Variants in HMCN1 observed in about 807,000 individuals in gnomAD.
The protein encoded by HMCN1 is hemicentin 1, also known as hemicentin-1.
Under a neutral mutation model 625.9 loss-of-function variants are expected in HMCN1, and 321 were observed. That is an observed-to-expected ratio of 0.51 (90% CI 0.47 to 0.56). The LOEUF (loss-of-function observed/expected upper bound fraction) is 0.56, where lower values mean the gene tolerates loss of function less well. Among genes scored for constraint, HMCN1 ranks in the 20% least tolerant of loss-of-function variants. HMCN1 has a pLI of 0.00. For missense variants in HMCN1, 6,588 were observed against 6,887.3 expected, an observed-to-expected ratio of 0.96 and a Z score of 1.54; for synonymous variants, 2,425 against 2,417.6, an observed-to-expected ratio of 1.00 and a Z score of -0.09.
intron 36 of HMCN1, among the ~76,000 whole-genome samples, chr1:186,030,476 A>AT (rs1050364810): frequency 1.3e-5 from 2 of 151,752 alleles, no homozygotes; most frequent in Non-Finnish European, 2.9e-5. Flanking sequence ...CTTGAAGTCT[A>AT]TTTTTTGTGA....
In HMCN1 at chr1:186,088,309, T is replaced by C. The variant is rs770941292; in HGVS notation, c.9577+33T>C. On this transcript the variant is annotated intron_variant, in intron 62 of 106. Transcript: ENST00000271588. ...AACCATGCATTTTTGTGTGTGTGTGTGTTTTTTTCTCTTGCTCTTAATTCA... is the reference window on the plus strand; with the variant it reads ...AACCATGCATTTTTGTGTGTGTGTGCGTTTTTTTCTCTTGCTCTTAATTCA... 5 of 1,611,900 alleles carry C rather than the reference T, an allele frequency of 3.1e-6. No homozygotes were observed. The South Asian group carries it at 3.3e-5, about 11-fold the overall frequency.
chr1:186,113,964 G>A lies in HMCN1; in HGVS notation c.11132-15G>A, dbSNP rs750312719. 1.9e-6 allele frequency: 3 copies of A among 1,613,758 alleles called. No homozygotes were observed. The highest frequency in any genetic ancestry group is 2.5e-6 in the Non-Finnish European group (3 of 1,179,854). On this transcript the variant is annotated splice_polypyrimidine_tract_variant and intron_variant, in intron 72 of 106. Coordinates refer to ENST00000271588, the MANE Select transcript of HMCN1 (RefSeq NM_031935.3). ...TTAGTCTCACTGAATTTTTTCATGT[G>A]TATCTCTTGTTCAGTTCCTCCAAAC...
intron 1 of HMCN1, among the ~76,000 whole-genome samples, chr1:185,771,769 A>G (rs1656257253): frequency 6.6e-6 from 1 of 152,172 alleles, no homozygotes; most frequent in Admixed American, 6.6e-5. Context: ...TGTTCCAAGC[A>G]TGGTGGCAGA....
At chr1:185,839,780 G>A (rs1022682926) in intron 1 of HMCN1, among the ~76,000 whole-genome samples, 2 of 152,158 alleles carry the variant, frequency 1.3e-5, no homozygotes, top group African/African-American at 2.4e-5. Flanking sequence ...AGTACATGAA[G>A]TGAAATGATC....
intron 103 of HMCN1, among the ~76,000 whole-genome samples, chr1:186,175,265 G>T (rs1652488386): frequency 6.6e-6 from 1 of 152,148 alleles, no homozygotes; most frequent in Non-Finnish European, 1.5e-5. Flanking sequence ...TCAAGAAACT[G>T]ATCTATCAAA....
At chr1:185,777,252 C>G (rs575123431) in intron 1 of HMCN1, among the ~76,000 whole-genome samples, 3 of 152,144 alleles carry the variant, frequency 2.0e-5, no homozygotes, top group Non-Finnish European at 4.4e-5. Flanking sequence ...CCATCTTCCC[C>G]TGTTCGAAGG....
chr1:185,838,641 A>G (rs745413018), intron 1 of HMCN1, among the ~76,000 whole-genome samples: 20 of 152,272 alleles, frequency 1.3e-4, no homozygotes, highest in Non-Finnish European at 2.6e-4. Flanking sequence ...CTTACAAAAC[A>G]CAAATCCAAA....
rs941989370 is a variant in HMCN1, at chr1:186,159,120, G to C, written c.15256+5133G>C. Among the ~76,000 whole-genome samples the C allele has an allele frequency of 1.3e-3, 191 of 151,616 alleles. 1 individual carries two copies. The highest frequency in any genetic ancestry group is 2.3e-3 in the Non-Finnish European group (153 of 67,580). On this transcript the variant is annotated intron_variant, in intron 97 of 106. Coordinates refer to ENST00000271588, the MANE Select transcript of HMCN1 (RefSeq NM_031935.3). ...CTTTTATTTCATTGAGCAGTGGTTT[G>C]TAGTTCTCCTTGAAGAGGTCCTTCA...
At chr1:186,063,479 AAGG>A in intron 48 of HMCN1, among the ~76,000 whole-genome samples, 1 of 145,852 alleles carries the variant, frequency 6.9e-6, no homozygotes, top group Non-Finnish European at 1.5e-5. Context: ...GGAAGGAAGG[AAGG>A]AAGGAAGGAA....
chr1:185,892,834 T>C (rs1365150671), intron 4 of HMCN1, among the ~76,000 whole-genome samples: 1 of 152,196 alleles, frequency 6.6e-6, no homozygotes, highest in Non-Finnish European at 1.5e-5. Flanking sequence ...TGTGGTGGGC[T>C]CCACCCAGTT....
chr1:186,129,307 G>A (rs762868962), intron 83 of HMCN1, among the ~76,000 whole-genome samples: 4 of 150,784 alleles, frequency 2.7e-5, no homozygotes, highest in Non-Finnish European at 4.4e-5. Context: ...TTTAGGATTA[G>A]CATGTTTACC....
Position 186,190,428 on chromosome 1 carries a change from C to T in HMCN1, c.*550C>T. ...ACTCATTTTATAAAATATAGTACAGCTACTATAAGGCTTGTTTGATCCCAA... is the reference window on the plus strand; with the variant it reads ...ACTCATTTTATAAAATATAGTACAGTTACTATAAGGCTTGTTTGATCCCAA... On this transcript the variant is annotated 3_prime_UTR_variant, in exon 107 of 107. Coordinates refer to ENST00000271588, the MANE Select transcript of HMCN1 (RefSeq NM_031935.3). 5.1e-6 allele frequency: 1 copy of T among 197,592 alleles called. No homozygotes were observed. The highest frequency in any genetic ancestry group is 8.0e-5 in the East Asian group (1 of 12,466). The allele number at this position is 197,592 out of a possible 1,614,324, so 12.2% of individuals were successfully genotyped here. A position where few individuals can be genotyped will look rare whatever the true frequency, so the allele number is the denominator to read the frequency against.
chr1:186,064,138 T>C (rs1307506636), intron 48 of HMCN1, among the ~76,000 whole-genome samples: 1 of 152,156 alleles, frequency 6.6e-6, no homozygotes, highest in Non-Finnish European at 1.5e-5. Flanking sequence ...AGAAATAATA[T>C]AGTAATTTAC....
rs768914619 is a variant in HMCN1, at chr1:186,048,849, A to G, written c.6577+10A>G. 5 of 1,545,772 alleles carry G rather than the reference A, an allele frequency of 3.2e-6. No individual in the cohort carries two copies. The highest frequency in any genetic ancestry group is 1.7e-5 in the Admixed American group (1 of 59,804). On this transcript the variant is annotated intron_variant, in intron 42 of 106. Transcript: ENST00000271588. ...AATGTCAACATTTGGGGTAAGTGTAATCAGCTCTTGAAAGCAAATAATGCA... is the reference window on the plus strand; with the variant it reads ...AATGTCAACATTTGGGGTAAGTGTAGTCAGCTCTTGAAAGCAAATAATGCA...
At chr1:186,074,614 G>A in intron 52 of HMCN1, 127 bp from the exon 53 acceptor site, 1 of 788,492 alleles carries the variant, frequency 1.3e-6, no homozygotes, top group South Asian at 1.6e-5. Flanking sequence ...TTAAACTATT[G>A]TCATGAATGT....
Position 186,171,422 on chromosome 1 carries a change from G to C in HMCN1, c.15660G>C (p.Gly5220=), listed in dbSNP as rs757169070. The C allele has an allele frequency of 1.2e-6, 2 of 1,613,312 alleles. No individual in the cohort carries two copies. The highest frequency in any genetic ancestry group is 8.5e-7 in the Non-Finnish European group (1 of 1,179,390). ...IGSFHCGCEP[G]YQLKGRKCMD... ...GTTTCCATTGTGGATGTGAACCTGGGTATCAGCTCAAAGGCAGAAAATGCA... is the reference window on the plus strand; with the variant it reads ...GTTTCCATTGTGGATGTGAACCTGGCTATCAGCTCAAAGGCAGAAAATGCA... Residue 5220 remains glycine, a synonymous_variant, in exon 101 of 107, where the codon GGG becomes GGC. Coordinates refer to ENST00000271588, the MANE Select transcript of HMCN1 (RefSeq NM_031935.3).
At chr1:186,116,617 T>C (rs901820964) in intron 75 of HMCN1, among the ~76,000 whole-genome samples, 1 of 152,122 alleles carries the variant, frequency 6.6e-6, no homozygotes, top group Non-Finnish European at 1.5e-5. Context: ...GCAAAGCATT[T>C]AAGATGGTGC....
At chr1:185,921,496 C>A (rs1667002634) in intron 6 of HMCN1, among the ~76,000 whole-genome samples, 1 of 152,150 alleles carries the variant, frequency 6.6e-6, no homozygotes, top group Non-Finnish European at 1.5e-5. Flanking sequence ...TGTATATACA[C>A]AAATACGGCT....
chr1:185,894,541 G>C (rs1157866979), intron 4 of HMCN1, among the ~76,000 whole-genome samples: 1 of 152,144 alleles, frequency 6.6e-6, no homozygotes, highest in Non-Finnish European at 1.5e-5. Context: ...CACTGGGCAT[G>C]ATTGTTCATC....
Sources: allele counts gnomAD v4.1 joint callset (sites outside exome capture counted in the v4.1 genomes callset), GRCh38; gene constraint gnomAD v4.1.1; transcripts MANE v1.5; gene names NCBI Gene and HGNC (gene_info 2026-07-23, HGNC 2026-07-21).